The following TFRC variants were observed in gnomAD, a reference collection of about 807,000 sequenced individuals.
The protein encoded by TFRC is transferrin receptor protein 1.
TFRC carries 35 observed loss-of-function variants against 85.8 expected under a neutral mutation model. The ratio of observed to expected loss-of-function variants is 0.41; its 90% CI spans 0.31 to 0.54. The LOEUF (loss-of-function observed/expected upper bound fraction) is 0.54, where lower values mean the gene tolerates loss of function less well. Among genes scored for constraint, TFRC ranks in the 20% least tolerant of loss-of-function variants. The probability of loss-of-function intolerance (pLI) is 0.31; values close to 1 mark genes in which losing one functional copy is unlikely to be tolerated. For missense variants in TFRC, 828 were observed against 921.5 expected (o/e 0.90, Z 1.31); for synonymous variants, 362 against 328.6 (o/e 1.10, Z -1.10).
chr3:196,077,612 C>T (rs575166886), intron 1 of TFRC, among the ~76,000 whole-genome samples: 26 of 152,074 alleles, frequency 1.7e-4, no homozygotes, highest in African/African-American at 4.6e-4. Flanking sequence ...ATTAGCCGGA[C>T]GTGGTGGTGG....
chr3:196,065,994 AAAAAC>A (rs1193488369), intron 9 of TFRC, among the ~76,000 whole-genome samples: 6 of 150,232 alleles, frequency 4.0e-5, no homozygotes, highest in Non-Finnish European at 7.5e-5. Context: ...TGTCTCAAAA[AAAAAC>A]AAAACAAAAC....
chr3:196,064,506 A>G, intron 10 of TFRC, 78 bp from the exon 11 acceptor site: 3 of 1,386,304 alleles, frequency 2.2e-6, no homozygotes, highest in Non-Finnish European at 2.9e-6. Context: ...ACATCAGTAG[A>G]AAGGTAAAAG....
At chr3:196,067,904 T>C in intron 8 of TFRC, 128 bp downstream of exon 8, 1 of 792,112 alleles carries the variant, frequency 1.3e-6, no homozygotes, top group South Asian at 1.9e-5. Context: ...TCTATCTTCT[T>C]GCTTACTGCT....
chr3:196,077,993 A>C (rs901942685), intron 1 of TFRC, among the ~76,000 whole-genome samples: 1 of 152,208 alleles, frequency 6.6e-6, no homozygotes, highest in Non-Finnish European at 1.5e-5. Flanking sequence ...GGCCTGTTCA[A>C]GGCTGAAAAT....
intron 9 of TFRC, among the ~76,000 whole-genome samples, chr3:196,065,918 G>A (rs923070121): frequency 1.3e-5 from 2 of 151,902 alleles, no homozygotes; most frequent in Non-Finnish European, 2.9e-5. Flanking sequence ...GAACCTGGGA[G>A]GCGGAGGCTG....
chr3:196,071,799 G>A (rs1327671225), intron 5 of TFRC, among the ~76,000 whole-genome samples: 2 of 152,262 alleles, frequency 1.3e-5, no homozygotes, highest in Middle Eastern at 3.4e-3. Flanking sequence ...AGCTGCTCTG[G>A]AGGCTAAGGC....
intron 9 of TFRC, among the ~76,000 whole-genome samples, 179 bp downstream of exon 9, chr3:196,067,339 T>G (rs922765852): frequency 5.3e-5 from 8 of 152,240 alleles, no homozygotes; most frequent in Non-Finnish European, 1.0e-4. Context: ...AAGTCCATTA[T>G]TAAGATCTCT....
At chr3:196,054,730 G>A (rs1002327322) in intron 17 of TFRC, among the ~76,000 whole-genome samples, 1 of 152,208 alleles carries the variant, frequency 6.6e-6, no homozygotes, top group African/African-American at 2.4e-5. Context: ...CCTGCTAGCT[G>A]TGCTGTCTTT....
At chr3:196,060,797 CAAAAAAAAAAAAAA>C (rs1173946134) in intron 13 of TFRC, among the ~76,000 whole-genome samples, 1 of 36,924 alleles carries the variant, frequency 2.7e-5, no homozygotes, top group South Asian at 1.6e-3. Flanking sequence ...GACTCCATCT[CAAAAAAAAAAAAAA>C]AAAAAAAAAA....
At chr3:196,070,968 A>G (rs1718152787) in intron 6 of TFRC, among the ~76,000 whole-genome samples, 1 of 152,152 alleles carries the variant, frequency 6.6e-6, no homozygotes, top group South Asian at 2.1e-4. Flanking sequence ...AAAAAGATCA[A>G]GCATTAACGA....
chr3:196,062,737 C>CAG, intron 12 of TFRC, 92 bp from the exon 13 acceptor site: 1 of 1,548,196 alleles, frequency 6.5e-7, no homozygotes, highest in East Asian at 2.2e-5. Context: ...CTGGACTCTA[C>CAG]TGAGACTAAA....
chr3:196,078,606 G>A (rs1444924415), intron 1 of TFRC, among the ~76,000 whole-genome samples: 9 of 151,754 alleles, frequency 5.9e-5, no homozygotes, highest in African/African-American at 1.7e-4. Context: ...GCAGTGAGCC[G>A]AGATGGCACC....
chr3:196,069,681 T>G (rs548757296), intron 6 of TFRC, 113 bp from the exon 7 acceptor site: 1 of 597,546 alleles, frequency 1.7e-6, no homozygotes, highest in African/African-American at 1.9e-5. Context: ...AAGTAAGAGA[T>G]AAAAGGAGGC....
In TFRC at chr3:196,058,578, T is replaced by C. The variant is rs1717013635; in HGVS notation, c.1591A>G (p.Lys531Glu). ...CATTCACTTTTCTCAACTTACACTT[T>C]GCTGGCCCAGTTGCTGTCCTGATAT... The part of the protein sequence containing the change: ...FLYQDSNWAS[K>E]VEKLTLDNAA... The change falls in exon 15 of 19, where the codon AAA becomes GAA. Residue 531 changes from lysine to glutamate, a missense_variant. Transcript: ENST00000360110. The C allele has an allele frequency of 6.2e-7, 1 of 1,611,378 alleles. No homozygotes were observed. The highest frequency in any genetic ancestry group is 1.3e-5 in the African/African-American group (1 of 74,810).
chr3:196,077,447 G>C (rs1718800268), intron 1 of TFRC, among the ~76,000 whole-genome samples: 1 of 151,536 alleles, frequency 6.6e-6, no homozygotes, highest in Non-Finnish European at 1.5e-5. Flanking sequence ...ACTATGTTCT[G>C]AGTAGACAAA....
intron 4 of TFRC, among the ~76,000 whole-genome samples, chr3:196,072,450 C>A (rs1718291701): frequency 6.6e-6 from 1 of 152,204 alleles, no homozygotes; most frequent in African/African-American, 2.4e-5. Context: ...TCCAGATCTA[C>A]TATAAAATCT....
At chr3:196,078,700 T>C (rs1389348409) in intron 1 of TFRC, among the ~76,000 whole-genome samples, 1 of 151,634 alleles carries the variant, frequency 6.6e-6, no homozygotes, top group Non-Finnish European at 1.5e-5. Flanking sequence ...TAAAACCTAT[T>C]ACAAAAAATT....
rs545570605 is a variant in TFRC, at chr3:196,051,631, A to T, written c.*311T>A. On this transcript the variant is annotated 3_prime_UTR_variant, in exon 19 of 19. Coordinates refer to ENST00000360110, the MANE Select transcript of TFRC (RefSeq NM_001128148.3). The stretch of plus-strand genomic sequence containing the variant: ...CTTAGGATTCAGAGAGATCATTCAC[A>T]TAACTGGTTTCTGACATTTTCATTA... 1 of 356,784 alleles carries T rather than the reference A, an allele frequency of 2.8e-6. No individual in the cohort carries two copies. 22.1% of individuals were successfully genotyped at this position (356,784 alleles called of 1,614,324 possible).
intron 3 of TFRC, 154 bp from the exon 4 acceptor site, chr3:196,074,279 T>G: frequency 1.7e-6 from 1 of 588,042 alleles, no homozygotes; most frequent in Non-Finnish European, 2.9e-6. Flanking sequence ...TTTTGTATAC[T>G]TTAAACCACT....
Sources: allele counts gnomAD v4.1 joint callset (sites outside exome capture counted in the v4.1 genomes callset), GRCh38; gene constraint gnomAD v4.1.1; transcripts MANE v1.5; gene names NCBI Gene and HGNC (gene_info 2026-07-23, HGNC 2026-07-21).